Variants in HPSE2 observed in about 807,000 individuals in gnomAD.
HPSE2 encodes the protein inactive heparanase-2.
In HPSE2, 38 loss-of-function variants were observed where a neutral mutation model predicts 60.5. The ratio of observed to expected loss-of-function variants is 0.63; its 90% CI spans 0.48 to 0.82. The LOEUF is 0.82. HPSE2 is among the 40% of genes least tolerant of loss of function. The probability of loss-of-function intolerance (pLI) is 0.00; values close to 1 mark genes in which losing one functional copy is unlikely to be tolerated. For synonymous variants in HPSE2, 295 were observed against 293.2 expected (o/e 1.01, Z -0.06); for missense variants, 713 against 740.4 (o/e 0.96, Z 0.43).
At chr10:98,636,301 G>A (rs1402381738) in intron 7 of HPSE2, among the ~76,000 whole-genome samples, 16 of 151,194 alleles carry the variant, frequency 1.1e-4, no homozygotes, top group Admixed American at 2.6e-4. Flanking sequence ...GTGCAATGGC[G>A]TGGTCTTGGC....
chr10:99,152,138 C>T lies in HPSE2; in HGVS notation c.449-7739G>A, dbSNP rs573523169. On this transcript the variant is annotated intron_variant, in intron 2 of 11. Transcript: ENST00000370552. ...CATCCTGGCTAACACAGTGAAACCC[C>T]GTCTCTACTAAAAATACAAAAAATT... Among the ~76,000 whole-genome samples the T allele has an allele frequency of 1.7e-4, 26 of 151,944 alleles. No individual in the cohort carries two copies. The South Asian group carries it at 3.7e-3, about 22-fold the overall frequency.
intron 9 of HPSE2, among the ~76,000 whole-genome samples, chr10:98,562,731 A>T (rs1418473347): frequency 1.3e-5 from 2 of 152,062 alleles, no homozygotes; most frequent in Non-Finnish European, 2.9e-5. Flanking sequence ...AAAAAAAAAA[A>T]AAAAATCTGC....
intron 3 of HPSE2, among the ~76,000 whole-genome samples, chr10:98,829,308 T>A (rs1208264247): frequency 1.3e-5 from 2 of 152,058 alleles, no homozygotes; most frequent in Non-Finnish European, 2.9e-5. Context: ...GGCAGGTGGA[T>A]CACGAGGTCA....
chr10:98,712,040 G>A (rs920586247), intron 5 of HPSE2, among the ~76,000 whole-genome samples: 3 of 151,996 alleles, frequency 2.0e-5, no homozygotes, highest in African/African-American at 7.2e-5. Flanking sequence ...CATTCTTGGA[G>A]GGGAAAGCAG....
chr10:98,633,283 C>A (rs1238191907), intron 7 of HPSE2, among the ~76,000 whole-genome samples: 1 of 152,160 alleles, frequency 6.6e-6, no homozygotes, highest in Non-Finnish European at 1.5e-5. Context: ...ACTGCAGCCT[C>A]AACCTCCCTG....
At chr10:99,040,810 G>A (rs144037585) in intron 3 of HPSE2, among the ~76,000 whole-genome samples, 1,718 of 152,278 alleles carry the variant, frequency 0.011, 33 homozygotes, top group African/African-American at 0.039. Flanking sequence ...AGCCAAGCCA[G>A]GTGCAGTGGC....
intron 3 of HPSE2, among the ~76,000 whole-genome samples, chr10:99,011,228 A>C (rs1957006036): frequency 6.6e-6 from 1 of 152,106 alleles, no homozygotes; most frequent in Non-Finnish European, 1.5e-5. Flanking sequence ...GAACATTATA[A>C]ATATGAAACA....
At chr10:98,641,448 A>G (rs1946634476) in intron 7 of HPSE2, among the ~76,000 whole-genome samples, 1 of 151,996 alleles carries the variant, frequency 6.6e-6, no homozygotes, top group Non-Finnish European at 1.5e-5. Flanking sequence ...TTGGCTGGGC[A>G]TGGCAGCTTG....
chr10:99,205,796 T>G (rs1848726187), intron 2 of HPSE2, among the ~76,000 whole-genome samples: 1 of 152,234 alleles, frequency 6.6e-6, no homozygotes. Context: ...CACCTGCTAT[T>G]GCTAAGTAGT....
chr10:98,569,188 T>C (rs684898), intron 9 of HPSE2, among the ~76,000 whole-genome samples: 130,178 of 151,488 alleles, frequency 0.86, 56,908 homozygotes, highest in East Asian at 1. Context: ...CTCAGCCTCC[T>C]GAGTAGCTGG....
At chr10:98,710,921 C>T (rs1948661798) in intron 5 of HPSE2, among the ~76,000 whole-genome samples, 1 of 152,076 alleles carries the variant, frequency 6.6e-6, no homozygotes, top group Non-Finnish European at 1.5e-5. Context: ...CTAAAACTGG[C>T]ACCCAAGATG....
chr10:99,308,273 A>G, the HPSE2 span, among the ~76,000 whole-genome samples: 2 of 150,386 alleles, frequency 1.3e-5, no homozygotes, highest in Admixed American at 6.6e-5. Context: ...CTGAAATCCC[A>G]GCTACTTGGG....
intron 9 of HPSE2, among the ~76,000 whole-genome samples, chr10:98,541,576 GT>G (rs1340748023): frequency 6.6e-6 from 1 of 152,192 alleles, no homozygotes; most frequent in African/African-American, 2.4e-5. Context: ...AAGGAAAGGG[GT>G]GACAGACGGC....
intron 3 of HPSE2, among the ~76,000 whole-genome samples, chr10:98,937,792 G>A (rs1321579891): frequency 2.8e-5 from 4 of 142,276 alleles, no homozygotes; most frequent in Admixed American, 1.4e-4. Context: ...TCCTCAAGTG[G>A]GTCCCTGACC....
chr10:99,236,147 C>T (rs1466599022), upstream of HPSE2, among the ~76,000 whole-genome samples: 1 of 151,568 alleles, frequency 6.6e-6, no homozygotes, highest in Non-Finnish European at 1.5e-5. Context: ...CTACTGCAGA[C>T]ATTTTTTAAC....
intron 3 of HPSE2, among the ~76,000 whole-genome samples, chr10:99,101,837 A>C (rs1456019003): frequency 1.3e-5 from 2 of 152,198 alleles, no homozygotes; most frequent in Non-Finnish European, 2.9e-5. Flanking sequence ...AACTCACTTA[A>C]AACTGCTCAA....
chr10:99,042,100 T>A (rs1477458576), intron 3 of HPSE2, among the ~76,000 whole-genome samples: 1 of 152,096 alleles, frequency 6.6e-6, no homozygotes, highest in Non-Finnish European at 1.5e-5. Context: ...GGGGTGGAAG[T>A]CCCTAGAGAC....
At chr10:99,010,777 G>A (rs1050762678) in intron 3 of HPSE2, among the ~76,000 whole-genome samples, 4 of 151,978 alleles carry the variant, frequency 2.6e-5, no homozygotes, top group African/African-American at 4.8e-5. Context: ...TCAAATACTC[G>A]AGAATAGACA....
intron 9 of HPSE2, among the ~76,000 whole-genome samples, chr10:98,611,459 A>G (rs79109613): frequency 0.037 from 5,614 of 152,296 alleles, 363 homozygotes; most frequent in African/African-American, 0.13. Context: ...CAAAAGCACT[A>G]GTTTTGGGAG....
Sources: gnomAD v4.1 joint callset for allele counts (sites outside exome capture counted in the v4.1 genomes callset) on GRCh38, gnomAD v4.1.1 for gene constraint, MANE v1.5 for transcripts, NCBI Gene and HGNC (gene_info 2026-07-23, HGNC 2026-07-21) for gene names.